The following PDE10A variants were observed in gnomAD, a reference collection of about 807,000 sequenced individuals.
The protein encoded by PDE10A is phosphodiesterase 10A.
A neutral mutation model predicts 97.7 loss-of-function variants in PDE10A; 39 were observed. That is an observed-to-expected ratio of 0.40 (90% CI 0.31 to 0.52). The LOEUF (loss-of-function observed/expected upper bound fraction) is 0.52. Ranked by LOEUF, PDE10A falls within the 20% of genes least tolerant of loss-of-function variation. The probability of loss-of-function intolerance (pLI) is 0.56; values close to 1 mark genes in which losing one functional copy is unlikely to be tolerated. For missense variants in PDE10A, 731 were observed against 1,047.8 expected, an observed-to-expected ratio of 0.70 and a Z score of 4.17; for synonymous variants, 371 against 376.8, an observed-to-expected ratio of 0.98 and a Z score of 0.18.
intron 1 of PDE10A, among the ~76,000 whole-genome samples, chr6:165,706,165 G>T (rs1231136426): frequency 6.6e-6 from 1 of 152,146 alleles, no homozygotes; most frequent in Non-Finnish European, 1.5e-5. Flanking sequence ...GCGGGAAAAA[G>T]ATGATCTGAG....
intron 1 of PDE10A, among the ~76,000 whole-genome samples, chr6:165,582,246 C>A (rs1785653538): frequency 1.3e-5 from 2 of 152,128 alleles, no homozygotes. Flanking sequence ...CAGCATATTT[C>A]TCTATGTAGG....
intron 1 of PDE10A, among the ~76,000 whole-genome samples, chr6:165,682,521 G>A (rs946555114): frequency 6.6e-6 from 1 of 152,106 alleles, no homozygotes; most frequent in East Asian, 1.9e-4. Context: ...TGAAGGTGGA[G>A]CCCTCATAAA....
At chr6:165,907,202 G>A (rs943651295) in intron 1 of PDE10A, among the ~76,000 whole-genome samples, 15 of 152,218 alleles carry the variant, frequency 9.9e-5, no homozygotes, top group African/African-American at 3.1e-4. Context: ...AGGCTCCATC[G>A]CCCAGAGTCC....
At chr6:165,747,887 A>G (rs765383978) in intron 1 of PDE10A, among the ~76,000 whole-genome samples, 13 of 152,174 alleles carry the variant, frequency 8.5e-5, no homozygotes, top group African/African-American at 2.7e-4. Flanking sequence ...CTCCATCCCA[A>G]TAAGAACAGA....
At chr6:165,484,503 G>A (rs1484873397) in intron 2 of PDE10A, among the ~76,000 whole-genome samples, 2 of 152,210 alleles carry the variant, frequency 1.3e-5, no homozygotes, top group African/African-American at 4.8e-5. Flanking sequence ...TGGGATCTAG[G>A]CTGTGTGCTC....
At chr6:165,630,652 G>A (rs1276534369) in intron 1 of PDE10A, among the ~76,000 whole-genome samples, 1 of 152,116 alleles carries the variant, frequency 6.6e-6, no homozygotes, top group Non-Finnish European at 1.5e-5. Context: ...GCTTATGCTG[G>A]TAGGACACGG....
At chr6:165,878,911 C>G (rs1255783387) in intron 1 of PDE10A, among the ~76,000 whole-genome samples, 1 of 152,162 alleles carries the variant, frequency 6.6e-6, no homozygotes, top group African/African-American at 2.4e-5. Flanking sequence ...CCTGGAACCA[C>G]CAGAAGGAAG....
At chr6:165,355,218 C>A (rs755884686) in intron 18 of PDE10A, among the ~76,000 whole-genome samples, 18 of 152,018 alleles carry the variant, frequency 1.2e-4, no homozygotes, top group Non-Finnish European at 2.2e-4. Context: ...TTTTTTTATA[C>A]TTTAGGTTAT....
At chr6:165,477,742 G>T (rs971606139) in intron 3 of PDE10A, among the ~76,000 whole-genome samples, 1 of 152,164 alleles carries the variant, frequency 6.6e-6, no homozygotes, top group African/African-American at 2.4e-5. Flanking sequence ...TAATATGTTA[G>T]ATAACAGAAA....
At chr6:165,622,490 T>C (rs896293699) in intron 1 of PDE10A, among the ~76,000 whole-genome samples, 1 of 152,190 alleles carries the variant, frequency 6.6e-6, no homozygotes, top group African/African-American at 2.4e-5. Context: ...CGGAATACTG[T>C]AGACAACTGT....
At chr6:165,978,474 G>A (rs759306633) in intron 1 of PDE10A, among the ~76,000 whole-genome samples, 1 of 152,194 alleles carries the variant, frequency 6.6e-6, no homozygotes, top group East Asian at 1.9e-4. Context: ...AGGACCTGCT[G>A]ACATCAGGTG....
intron 1 of PDE10A, among the ~76,000 whole-genome samples, chr6:165,608,799 C>T (rs552885234): frequency 1.3e-3 from 203 of 152,318 alleles, no homozygotes; most frequent in African/African-American, 4.6e-3. Context: ...TTAATGATTG[C>T]CATTCTAACT....
intron 1 of PDE10A, among the ~76,000 whole-genome samples, chr6:165,698,400 C>T (rs915373092): frequency 2.6e-5 from 4 of 152,000 alleles, no homozygotes; most frequent in African/African-American, 7.3e-5. Flanking sequence ...GAACAGGCAA[C>T]GCAAGCTGGA....
chr6:165,811,085 G>T (rs1196464818), intron 1 of PDE10A, among the ~76,000 whole-genome samples: 1 of 152,018 alleles, frequency 6.6e-6, no homozygotes, highest in Non-Finnish European at 1.5e-5. Context: ...TTAGCTGGGC[G>T]TGGTCCACGT....
intron 17 of PDE10A, among the ~76,000 whole-genome samples, chr6:165,381,378 T>C (rs1036117950): frequency 1.3e-5 from 2 of 152,200 alleles, no homozygotes; most frequent in Non-Finnish European, 2.9e-5. Context: ...AAAAGCTCCA[T>C]AGAGGGCTTT....
At chr6:165,958,236 G>A (rs565217234) in intron 1 of PDE10A, among the ~76,000 whole-genome samples, 13 of 152,212 alleles carry the variant, frequency 8.5e-5, no homozygotes, top group Non-Finnish European at 1.6e-4. Flanking sequence ...ACAAAAGACA[G>A]CAAAGCCCGC....
At chr6:165,534,207 C>T (rs988207096) in intron 2 of PDE10A, among the ~76,000 whole-genome samples, 1 of 151,530 alleles carries the variant, frequency 6.6e-6, no homozygotes, top group African/African-American at 2.4e-5. Flanking sequence ...CAGAAAAATT[C>T]CTAGACACAC....
intron 1 of PDE10A, among the ~76,000 whole-genome samples, chr6:165,934,529 C>A (rs1783259042): frequency 6.6e-6 from 1 of 152,028 alleles, no homozygotes; most frequent in African/African-American, 2.4e-5. Flanking sequence ...TTTCCTCAGC[C>A]CCATTAAAAA....
chr6:165,814,541 A>G (rs1465244076), intron 1 of PDE10A, among the ~76,000 whole-genome samples: 2 of 152,110 alleles, frequency 1.3e-5, no homozygotes, highest in Admixed American at 1.3e-4. Context: ...TTCCCCCATG[A>G]CTTCATATTC....
Sources: allele counts gnomAD v4.1 joint callset (sites outside exome capture counted in the v4.1 genomes callset), GRCh38; gene constraint gnomAD v4.1.1; transcripts MANE v1.5; gene names NCBI Gene and HGNC (gene_info 2026-07-23, HGNC 2026-07-21).